LILRA1: variants seen among roughly 807,000 people sequenced by gnomAD.
The protein encoded by LILRA1 is leukocyte immunoglobulin like receptor A1, also known as leukocyte immunoglobulin-like receptor subfamily A member 1.
In LILRA1, 51 loss-of-function variants were observed where a neutral mutation model predicts 51.6. The ratio of observed to expected loss-of-function variants is 0.99; its 90% confidence interval spans 0.79 to 1.25. The LOEUF (loss-of-function observed/expected upper bound fraction) is 1.25. Among genes scored for constraint, LILRA1 ranks in the 50% most tolerant of loss-of-function variants. LILRA1 has a pLI of 0.00. For synonymous variants in LILRA1, 305 were observed against 248.4 expected (o/e 1.23, Z -2.14); for missense variants, 660 against 611.7 (o/e 1.08, Z -0.83).
Position 54,596,216 on chromosome 19 carries a change from C to T in LILRA1, c.986C>T (p.Ser329Leu), listed in dbSNP as rs771954481. ...AGQFRGRPFISVHPGPTVASG... is the reference protein window; with the variant it reads ...AGQFRGRPFILVHPGPTVASG... ...CAGTTCCGTGGCAGACCCTTCATCT[C>T]GGTGCATCCGGGCCCCACGGTGGCC... is the stretch of plus-strand genomic sequence containing the variant. The change falls in exon 7 of 10, where the codon TCG becomes TTG. Residue 329 changes from serine (S) to leucine (L), a missense_variant. By Grantham distance (145) the Ser-to-Leu change is moderately radical. Transcript: ENST00000251372. 5.0e-6 allele frequency: 8 copies of T among 1,614,014 alleles called. No homozygotes were observed. The highest frequency in any genetic ancestry group is 2.2e-5 in the East Asian group (1 of 44,884).
chr19:54,596,808 C>A (rs1032757322), intron 7 of LILRA1, among the ~76,000 whole-genome samples: 1 of 151,774 alleles, frequency 6.6e-6, no homozygotes, highest in African/African-American at 2.4e-5. Context: ...CGGAGCTTGC[C>A]GTGAGCTGAT....
At chr19:54,598,475 G>T (rs114611590) in intron 7 of LILRA1, among the ~76,000 whole-genome samples, 1 of 152,096 alleles carries the variant, frequency 6.6e-6, no homozygotes, top group East Asian at 1.9e-4. Context: ...TGAGAAACCC[G>T]GGGGAGGTCA....
At position 54,595,371 on chromosome 19, in the gene LILRA1, A is replaced by G; in HGVS notation, c.630A>G (p.Leu210=). The G allele has an allele frequency of 6.2e-7, 1 of 1,612,824 alleles. No homozygotes were observed. Among genetic ancestry groups the G allele is most frequent in the African/African-American group, 1.3e-5 (1 of 74,936 alleles). The part of the protein sequence containing the change: ...YDSNSPHVWS[L]PSDLLELLVL... ...CGAACTCTCCCCATGTGTGGTCTCT[A>G]CCCAGTGATCTCCTGGAGCTCCTGG... The change falls in exon 5 of 10, where the codon CTA becomes CTG. Residue 210 remains leucine, a synonymous_variant. Coordinates refer to ENST00000251372, the MANE Select transcript of LILRA1 (RefSeq NM_006863.4).
chr19:54,596,385 T>G lies in LILRA1; in HGVS notation c.1155T>G (p.Ser385Arg), dbSNP rs370380116. 1.2e-6 allele frequency: 2 copies of G among 1,613,684 alleles called. No individual in the cohort carries two copies. Among genetic ancestry groups the G allele is most frequent in the African/African-American group, 2.7e-5 (2 of 74,750 alleles). ...YPKYQAEFPMSPVTSAHSGTY... is the reference protein window; with the variant it reads ...YPKYQAEFPMRPVTSAHSGTY... Reference sequence around the variant, plus strand: ...AGTACCAGGCTGAATTCCCTATGAGTCCTGTGACCTCAGCCCACTCGGGGA... The same window carrying G: ...AGTACCAGGCTGAATTCCCTATGAGGCCTGTGACCTCAGCCCACTCGGGGA... Residue 385 changes from serine to arginine, a missense_variant, in exon 7 of 10, where the codon AGT becomes AGG. By Grantham distance (110) the Ser-to-Arg change is moderately radical. Coordinates refer to ENST00000251372, the MANE Select transcript of LILRA1 (RefSeq NM_006863.4).
In LILRA1 at chr19:54,594,653, A is replaced by T. The variant is rs2062985323; in HGVS notation, c.71-12A>T. 6.2e-7 allele frequency: 1 copy of T among 1,611,766 alleles called. No individual in the cohort carries two copies. The highest frequency in any genetic ancestry group is 2.2e-5 in the East Asian group (1 of 44,848). Reference sequence around the variant, plus strand: ...GAAATGACTTAGAATCTGAACTCTGATTTCCTTCCAGGGACCCTCCCCAAG... The same window carrying T: ...GAAATGACTTAGAATCTGAACTCTGTTTTCCTTCCAGGGACCCTCCCCAAG... On this transcript the variant is annotated splice_polypyrimidine_tract_variant and intron_variant, in intron 3 of 9. Transcript: ENST00000251372.
In LILRA1 at chr19:54,601,361, CCTT is replaced by C. The variant is rs1402012049; in HGVS notation, c.*547_*549del. On this transcript the variant is annotated 3_prime_UTR_variant, in exon 10 of 10. Transcript: ENST00000251372. ...CTCTGAACCCTACGAGCCCTTCCCTCCTTCTCACATGCTACCTGTGCAGCTTCT... is the reference window on the plus strand; with the variant it reads ...CTCTGAACCCTACGAGCCCTTCCCTCCTCACATGCTACCTGTGCAGCTTCT... 5.8e-6 allele frequency: 1 copy of C among 173,054 alleles called. No individual in the cohort carries two copies. The highest frequency in any genetic ancestry group is 5.5e-5 in the Admixed American group (1 of 18,236). The allele number at this position is 173,054 out of a possible 1,614,324, so 10.7% of individuals were successfully genotyped here.
chr19:54,601,049 T>C lies in LILRA1; in HGVS notation c.*232T>C. On this transcript the variant is annotated 3_prime_UTR_variant, in exon 10 of 10. Coordinates refer to ENST00000251372, the MANE Select transcript of LILRA1 (RefSeq NM_006863.4). ...CTGTGATACCTTTCCTCTCTATTAA[T>C]GTTGACTTCCCTTGGTTGGATCCTC... 1.7e-6 allele frequency: 1 copy of C among 595,374 alleles called. No individual in the cohort carries two copies. 36.9% of individuals were successfully genotyped at this position (595,374 alleles called of 1,614,324 possible).
At chr19:54,595,059 G>A (rs141668367) in intron 4 of LILRA1, 41 bp from the exon 5 acceptor site, 26,048 of 1,602,432 alleles carry the variant, frequency 0.016, 273 homozygotes, top group Non-Finnish European at 0.02. Flanking sequence ...TGAAGTGGGA[G>A]GTGTGAGCCC....
In LILRA1 at chr19:54,596,301, G is replaced by T. The variant is rs1350121501; in HGVS notation, c.1071G>T (p.Leu357=). Residue 357 remains leucine (L), a synonymous_variant, in exon 7 of 10, where the codon CTG becomes CTT. Coordinates refer to ENST00000251372, the MANE Select transcript of LILRA1 (RefSeq NM_006863.4). ...QSWGPFHTFL[L]TKAGAADAPL... ...GGGGGCCGTTCCACACTTTCCTTCT[G>T]ACCAAGGCGGGAGCAGCTGATGCCC... 4.3e-6 allele frequency: 7 copies of T among 1,613,998 alleles called. No individual in the cohort carries two copies. The Admixed American group carries it at 1.2e-4, about 27-fold the overall frequency.
At position 54,593,715 on chromosome 19, in the gene LILRA1, G is replaced by A. The variant is rs907498532; in HGVS notation, c.-115G>A. On this transcript the variant is annotated 5_prime_UTR_variant, in exon 1 of 10. Transcript: ENST00000251372. ...GCGAGATGCTTCTCTGCTGATCTGAGTCTGCCTGCAGCATGGACCTTGGTC... is the reference window on the plus strand; with the variant it reads ...GCGAGATGCTTCTCTGCTGATCTGAATCTGCCTGCAGCATGGACCTTGGTC... The A allele has an allele frequency of 6.9e-6, 4 of 582,166 alleles. No individual in the cohort carries two copies. The African/African-American group carries it at 7.7e-5, about 11-fold the overall frequency. The allele number at this position is 582,166 out of a possible 1,614,324, so 36.1% of individuals were successfully genotyped here. A position where few individuals can be genotyped will look rare whatever the true frequency, so the allele number is the denominator to read the frequency against.
In LILRA1 at chr19:54,596,494, G is replaced by T; in HGVS notation, c.1261+3G>T. On this transcript the variant is annotated splice_donor_region_variant and intron_variant, in intron 7 of 9. Coordinates refer to ENST00000251372, the MANE Select transcript of LILRA1 (RefSeq NM_006863.4). The stretch of plus-strand genomic sequence containing the variant: ...CTCCCTGGAGCTCATGGTCTCAGGT[G>T]AGGGCCCTGACCCTGTCCTCTCCGA... The T allele has an allele frequency of 6.2e-7, 1 of 1,614,116 alleles. No individual in the cohort carries two copies. Among genetic ancestry groups the T allele is most frequent in the East Asian group, 2.2e-5 (1 of 44,872 alleles).
chr19:54,599,043 G>A (rs1158001668), intron 7 of LILRA1, among the ~76,000 whole-genome samples, 193 bp from the exon 8 acceptor site: 1 of 151,916 alleles, frequency 6.6e-6, no homozygotes, highest in African/African-American at 2.4e-5. Context: ...ATCTGCCCAC[G>A]TCAGCCTCCC....
chr19:54,595,489 C>G, intron 5 of LILRA1, 87 bp downstream of exon 5: 3 of 1,543,726 alleles, frequency 1.9e-6, no homozygotes, highest in Non-Finnish European at 2.6e-6. Flanking sequence ...CAGGGCAGCT[C>G]CAGGTGGGAT....
intron 5 of LILRA1, 90 bp from the exon 6 acceptor site, chr19:54,595,549 G>A: frequency 6.5e-7 from 1 of 1,547,410 alleles, no homozygotes; most frequent in East Asian, 2.3e-5. Context: ...GACACAGGAA[G>A]ATCAGCAGTG....
chr19:54,599,921 A>G (rs1416551078), intron 8 of LILRA1, among the ~76,000 whole-genome samples: 2 of 151,592 alleles, frequency 1.3e-5, no homozygotes, highest in Non-Finnish European at 3.0e-5. Context: ...ATCTCCATTT[A>G]GCATATATAT....
rs746181869 is a variant in LILRA1, at chr19:54,599,240, A to G, written c.1266A>G (p.Ala422=). Residue 422 remains alanine, a synonymous_variant, in exon 8 of 10, where the codon GCA becomes GCG. Transcript: ENST00000251372. The part of the protein sequence containing the change: ...SDSLELMVSG[A]AETLSPPQNK... ...CTCCTCTGTTTTGATTCTCAGGAGC[A>G]GCTGAGACCCTCAGCCCACCACAAA... is the stretch of plus-strand genomic sequence containing the variant. The G allele has an allele frequency of 1.9e-6, 3 of 1,571,168 alleles. No homozygotes were observed. The East Asian group carries it at 7.7e-5, about 40-fold the overall frequency.
chr19:54,600,378 G>A (rs2063142044), intron 8 of LILRA1, 134 bp from the exon 9 acceptor site: 1 of 797,754 alleles, frequency 1.3e-6, no homozygotes, highest in Non-Finnish European at 2.1e-6. Flanking sequence ...GACACTGGAG[G>A]GAACCCTGCT....
chr19:54,595,622 T>G lies in LILRA1; in HGVS notation c.662-17T>G, dbSNP rs746842039. 429 of 1,596,706 alleles carry G rather than the reference T, an allele frequency of 2.7e-4. No individual in the cohort carries two copies. Among genetic ancestry groups the G allele is most frequent in the Non-Finnish European group, 3.2e-4 (374 of 1,169,238 alleles). ...CCTGAGGGTCGGCTCCTGGAAACCA[T>G]GAGCACCTTTTCCCAGGTGTTTCTA... On this transcript the variant is annotated splice_polypyrimidine_tract_variant and intron_variant, in intron 5 of 9. Coordinates refer to ENST00000251372, the MANE Select transcript of LILRA1 (RefSeq NM_006863.4).
At position 54,594,875 on chromosome 19, in the gene LILRA1, G is replaced by C; in HGVS notation, c.281G>C (p.Gly94Ala). ...PIPSITWEHT[G>A]RYRCFYGSHT... ...CCATCCATCACCTGGGAACACACAG[G>C]GCGGTATCGCTGTTTCTACGGTAGC... The change falls in exon 4 of 10, where the codon GGG becomes GCG. Residue 94 changes from glycine (G) to alanine (A), a missense_variant. Coordinates refer to ENST00000251372, the MANE Select transcript of LILRA1 (RefSeq NM_006863.4). 1 of 1,614,146 alleles carries C rather than the reference G, an allele frequency of 6.2e-7. No homozygotes were observed. The highest frequency in any genetic ancestry group is 8.5e-7 in the Non-Finnish European group (1 of 1,179,990).
Sources: allele counts gnomAD v4.1 joint callset (sites outside exome capture counted in the v4.1 genomes callset), GRCh38; gene constraint gnomAD v4.1.1; transcripts MANE v1.5; gene names NCBI Gene and HGNC (gene_info 2026-07-23, HGNC 2026-07-21).